Variants in GALNT18 observed in about 807,000 individuals in gnomAD.
GALNT18 encodes polypeptide N-acetylgalactosaminyltransferase 18, also known as GalNAc-transferase 18.
Under a neutral mutation model 69.5 loss-of-function variants are expected in GALNT18, and 44 were observed. That is an observed-to-expected ratio of 0.63 (90% CI 0.50 to 0.81). The LOEUF (loss-of-function observed/expected upper bound fraction) is 0.81. Ranked by LOEUF, GALNT18 falls within the 40% of genes least tolerant of loss-of-function variation. The pLI is 0.00. For synonymous variants in GALNT18, 364 were observed against 318.2 expected (o/e 1.14, Z -1.53); for missense variants, 715 against 810.0 (o/e 0.88, Z 1.42).
rs1451971005 is a variant in GALNT18 at position 11,356,521 on chromosome 11, T to C, written c.1093-15517A>G. ...TGCTTTTTTCCAAAATTCAGGAAATTAAACATTGATACATGACTATTATCA... is the reference window on the plus strand; with the variant it reads ...TGCTTTTTTCCAAAATTCAGGAAATCAAACATTGATACATGACTATTATCA... On this transcript the variant is annotated intron_variant, in intron 6 of 10. Coordinates refer to ENST00000227756, the MANE Select transcript of GALNT18 (RefSeq NM_198516.3). The surrounding 1 kb of genome is among the most constrained non-coding windows in gnomAD (Gnocchi z 4.4). 6.6e-6 allele frequency among the ~76,000 whole-genome samples: 1 copy of C among 152,214 alleles called. No individual in the cohort carries two copies. The highest frequency in any genetic ancestry group is 1.5e-5 in the Non-Finnish European group (1 of 68,046).
intron 2 of GALNT18, among the ~76,000 whole-genome samples, chr11:11,434,803 A>G (rs916321631): frequency 1.3e-5 from 2 of 152,144 alleles, no homozygotes; most frequent in South Asian, 4.1e-4. Flanking sequence ...AGCTCATCGG[A>G]TCTTTTTCAA....
rs147656352 is a variant in GALNT18, at chr11:11,276,362, T to G, written c.1678-5072A>C. ...ATTGGTGTATAGGAATGCTTGTGAT[T>G]TTTGCACATTGATTTTGTATCCTGA... is the stretch of plus-strand genomic sequence containing the variant. On this transcript the variant is annotated intron_variant, in intron 10 of 10. Transcript: ENST00000227756. Among the ~76,000 whole-genome samples, 230 of 152,356 alleles carry G rather than the reference T, an allele frequency of 1.5e-3. 3 individuals are homozygous for G. In the East Asian group the frequency reaches 0.036, roughly 24 times the overall value.
rs1259395865 is a variant in GALNT18 at position 11,595,579 on chromosome 11, A to AGTGG, written c.235+25776_235+25779dup. Among the ~76,000 whole-genome samples the AGTGG allele has an allele frequency of 6.6e-6, 1 of 152,174 alleles. No homozygotes were observed. Among genetic ancestry groups the AGTGG allele is most frequent in the African/African-American group, 2.4e-5 (1 of 41,450 alleles). ...CATCCTCACCAACACTCATTATCCT[A>AGTGG]GTGGGTGTGAAGCCATATCTCATTG... On this transcript the variant is annotated intron_variant, in intron 1 of 10. Transcript: ENST00000227756. This position sits in a 1 kb window ranked among gnomAD's most constrained non-coding sequence, Gnocchi z 5.2.
chr11:11,374,194 T>C (rs1342401575), intron 5 of GALNT18, among the ~76,000 whole-genome samples: 1 of 152,190 alleles, frequency 6.6e-6, no homozygotes, highest in Admixed American at 6.5e-5. Flanking sequence ...TGGAGGTAAC[T>C]GAACCCAGGC....
At chr11:11,365,578 T>C (rs1201682974) in intron 6 of GALNT18, among the ~76,000 whole-genome samples, 1 of 152,186 alleles carries the variant, frequency 6.6e-6, no homozygotes, top group Non-Finnish European at 1.5e-5. Flanking sequence ...CCATACTGTC[T>C]TCCACAATGG....
At chr11:11,359,096 T>C (rs960251769) in intron 6 of GALNT18, among the ~76,000 whole-genome samples, 1 of 140,252 alleles carries the variant, frequency 7.1e-6, no homozygotes, top group Non-Finnish European at 1.6e-5. Flanking sequence ...CAGACCCCCT[T>C]CTCCTCACAT....
intron 3 of GALNT18, among the ~76,000 whole-genome samples, chr11:11,418,725 G>A (rs1025061427): frequency 2.6e-5 from 4 of 152,188 alleles, no homozygotes; most frequent in Non-Finnish European, 4.4e-5. Flanking sequence ...CGTGATGGCT[G>A]ACACTTGAGA....
At chr11:11,352,792 C>A (rs745342184) in intron 6 of GALNT18, 1 of 1,614,082 alleles carries the variant, frequency 6.2e-7, no homozygotes, top group Non-Finnish European at 8.5e-7. Context: ...AAAACCAAGG[C>A]GGGGGTTCGT....
intron 9 of GALNT18, among the ~76,000 whole-genome samples, chr11:11,311,146 C>T (rs561682958): frequency 3.9e-5 from 6 of 152,258 alleles, no homozygotes; most frequent in South Asian, 2.1e-4. Context: ...GACAGTCCCA[C>T]GCAGTAAAGA....
intron 8 of GALNT18, 81 bp from the exon 9 acceptor site, chr11:11,327,262 T>A: frequency 9.6e-7 from 1 of 1,042,308 alleles, no homozygotes; most frequent in Non-Finnish European, 1.5e-6. Context: ...GAAACAAGTA[T>A]TCTGCTGAGA....
At chr11:11,529,925 T>G (rs1292083130) in intron 1 of GALNT18, among the ~76,000 whole-genome samples, 1 of 152,200 alleles carries the variant, frequency 6.6e-6, no homozygotes, top group Non-Finnish European at 1.5e-5. Flanking sequence ...GAAACATTCC[T>G]GCATCTTTCT....
chr11:11,599,875 C>T (rs1859594378), intron 1 of GALNT18, among the ~76,000 whole-genome samples: 1 of 151,938 alleles, frequency 6.6e-6, no homozygotes, highest in Non-Finnish European at 1.5e-5. Context: ...ACATACTCAT[C>T]ACCTCACATA....
chr11:11,528,701 G>C (rs866978721), intron 1 of GALNT18, among the ~76,000 whole-genome samples: 1 of 152,248 alleles, frequency 6.6e-6, no homozygotes, highest in African/African-American at 2.4e-5. Context: ...AGAAAGACAT[G>C]ATGGGAGCTA....
chr11:11,364,089 C>A (rs1406691794), intron 6 of GALNT18, among the ~76,000 whole-genome samples: 1 of 150,830 alleles, frequency 6.6e-6, no homozygotes, highest in Admixed American at 6.6e-5. Context: ...AGAATCAATT[C>A]ATTATTTTGA....
intron 9 of GALNT18, among the ~76,000 whole-genome samples, chr11:11,321,586 A>G (rs1849840064): frequency 6.6e-6 from 1 of 152,078 alleles, no homozygotes; most frequent in Non-Finnish European, 1.5e-5. Flanking sequence ...TGATGCTCCA[A>G]CAGTTTATGA....
At chr11:11,552,263 T>C (rs12792943) in intron 1 of GALNT18, among the ~76,000 whole-genome samples, 70,500 of 152,092 alleles carry the variant, frequency 0.46, 19,188 homozygotes, top group Non-Finnish European at 0.6. Flanking sequence ...TCACCTGCCA[T>C]GGCCAAAATC....
intron 7 of GALNT18, among the ~76,000 whole-genome samples, chr11:11,336,835 T>C (rs1850122604): frequency 6.6e-6 from 1 of 152,188 alleles, no homozygotes; most frequent in Non-Finnish European, 1.5e-5. Flanking sequence ...AACGAGAGTC[T>C]GGGAGTTTCA....
chr11:11,453,677 T>C (rs983367907), intron 1 of GALNT18, among the ~76,000 whole-genome samples: 2 of 152,116 alleles, frequency 1.3e-5, no homozygotes, highest in African/African-American at 4.8e-5. Context: ...GTTCTCACGA[T>C]AGTGAATAAC....
rs887420204 is a variant in GALNT18, at chr11:11,383,298, T to A, written c.596-4034A>T. Among the ~76,000 whole-genome samples, 3 of 152,208 alleles carry A rather than the reference T, an allele frequency of 2.0e-5. No individual in the cohort carries two copies. Among genetic ancestry groups the A allele is most frequent in the Non-Finnish European group, 4.4e-5 (3 of 68,030 alleles). Reference sequence around the variant, plus strand: ...CCCTTCCTCATCTACCCCCTTCCACTGCTTCTATAAGAAGTTGTTGGCTCC... The same window carrying A: ...CCCTTCCTCATCTACCCCCTTCCACAGCTTCTATAAGAAGTTGTTGGCTCC... On this transcript the variant is annotated intron_variant, in intron 3 of 10. Coordinates refer to ENST00000227756, the MANE Select transcript of GALNT18 (RefSeq NM_198516.3). This position sits in a 1 kb window ranked among gnomAD's most constrained non-coding sequence, Gnocchi z 5.2.
Sources: gnomAD v4.1 joint callset for allele counts (sites outside exome capture counted in the v4.1 genomes callset) on GRCh38, gnomAD v4.1.1 for gene constraint, Gnocchi (gnomAD v3.1) non-coding constraint, MANE v1.5 for transcripts, NCBI Gene and HGNC (gene_info 2026-07-23, HGNC 2026-07-21) for gene names.